Variants in ATL1 observed in about 807,000 individuals in gnomAD.
The protein encoded by ATL1 is atlastin GTPase 1.
In ATL1, 31 loss-of-function variants were observed where a neutral mutation model predicts 75.5. The ratio of observed to expected loss-of-function variants is 0.41; its 90% confidence interval spans 0.31 to 0.55. The LOEUF is 0.55. ATL1 is among the 20% of genes least tolerant of loss of function. The pLI is 0.27. For synonymous variants in ATL1, 226 were observed against 233.3 expected (o/e 0.97, Z 0.28); for missense variants, 405 against 662.6 (o/e 0.61, Z 4.27).
intron 1 of ATL1, among the ~76,000 whole-genome samples, chr14:50,544,302 T>C (rs560382726): frequency 6.6e-6 from 1 of 152,332 alleles, no homozygotes; most frequent in East Asian, 1.9e-4. Flanking sequence ...AACTACCCTC[T>C]TTTCTCTGTC....
At chr14:50,552,138 C>G (rs1019047310) in intron 1 of ATL1, among the ~76,000 whole-genome samples, 2 of 152,096 alleles carry the variant, frequency 1.3e-5, no homozygotes, top group Non-Finnish European at 2.9e-5. Context: ...AAAATCTAGA[C>G]CTGATAAATG....
intron 8 of ATL1, 31 bp from the exon 9 acceptor site, chr14:50,620,568 A>G (rs2039458064): frequency 1.9e-6 from 3 of 1,604,098 alleles, no homozygotes; most frequent in Non-Finnish European, 2.6e-6. Context: ...AAGGATTCCA[A>G]AAATAATAAT....
chr14:50,560,324 C>A (rs972677846), intron 1 of ATL1, 25 bp downstream of exon 1: 2 of 1,612,776 alleles, frequency 1.2e-6, no homozygotes, highest in Non-Finnish European at 1.7e-6. Flanking sequence ...AGAACTTCTG[C>A]AGCCTGCACG....
intron 1 of ATL1, among the ~76,000 whole-genome samples, chr14:50,542,259 C>T (rs12880338): frequency 8.1e-6 from 1 of 123,202 alleles, no homozygotes; most frequent in Non-Finnish European, 1.6e-5. Context: ...GGGAGGGGAA[C>T]ATCACACACC....
chr14:50,608,315 G>T (rs146016983), intron 6 of ATL1, among the ~76,000 whole-genome samples: 1 of 152,006 alleles, frequency 6.6e-6, no homozygotes, highest in Admixed American at 6.6e-5. Context: ...TATCTAGGGA[G>T]GGGTGGGGGA....
upstream of ATL1, among the ~76,000 whole-genome samples, chr14:50,557,434 A>G (rs2038777868): frequency 6.6e-6 from 1 of 152,126 alleles, no homozygotes; most frequent in African/African-American, 2.4e-5. Context: ...TCCTTTTTCC[A>G]GGAATGGTAT....
intron 1 of ATL1, 95 bp from the exon 2 acceptor site, chr14:50,587,736 G>A: frequency 6.6e-7 from 1 of 1,515,112 alleles, no homozygotes. Context: ...ATTCCAGTAT[G>A]CTCCTGTGTC....
intron 1 of ATL1, among the ~76,000 whole-genome samples, chr14:50,534,909 T>C (rs1432356096): frequency 6.6e-6 from 1 of 152,242 alleles, no homozygotes; most frequent in Non-Finnish European, 1.5e-5. Context: ...TAATTTTACA[T>C]CCTAGACAAT....
At chr14:50,598,770 A>C (rs553379892) in intron 6 of ATL1, among the ~76,000 whole-genome samples, 2 of 152,250 alleles carry the variant, frequency 1.3e-5, no homozygotes, top group African/African-American at 4.8e-5. Context: ...AGCAAAGCTC[A>C]GTGGAACTAA....
chr14:50,632,268 C>G lies in ATL1; in HGVS notation c.1606C>G (p.His536Asp). 1.2e-6 allele frequency: 2 copies of G among 1,613,574 alleles called. No homozygotes were observed. The highest frequency in any genetic ancestry group is 1.7e-6 in the Non-Finnish European group (2 of 1,179,622). Residue 536 changes from histidine (H) to aspartate (D), a missense_variant, in exon 14 of 14, where the codon CAT (histidine) becomes GAT (aspartate). His to Asp is a moderately conservative substitution (Grantham distance 81). Coordinates refer to ENST00000358385, the MANE Select transcript of ATL1 (RefSeq NM_015915.5). ...KLYSAAATHR[H>D]LYHQAFPTPK... is the part of the protein sequence containing the mutation. ...TTACAGTGCAGCAGCAACCCACAGACATCTGTATCATCAAGCTTTCCCTAC... is the reference window on the plus strand; with the variant it reads ...TTACAGTGCAGCAGCAACCCACAGAGATCTGTATCATCAAGCTTTCCCTAC...
intron 1 of ATL1, among the ~76,000 whole-genome samples, chr14:50,539,030 T>G (rs2038528851): frequency 6.6e-6 from 1 of 152,172 alleles, no homozygotes; most frequent in South Asian, 2.1e-4. Flanking sequence ...TTTCTGTGCT[T>G]TTTCTTCCCA....
chr14:50,598,115 C>T (rs2039238541), intron 6 of ATL1, among the ~76,000 whole-genome samples: 1 of 151,990 alleles, frequency 6.6e-6, no homozygotes, highest in South Asian at 2.1e-4. Context: ...AATATAAAGA[C>T]CTTTCTGGAG....
intron 8 of ATL1, among the ~76,000 whole-genome samples, chr14:50,617,817 C>T (rs1157253735): frequency 2.0e-5 from 3 of 152,174 alleles, no homozygotes; most frequent in African/African-American, 7.2e-5. Context: ...AACTGGTTTG[C>T]AGATTTTCTG....
intron 1 of ATL1, among the ~76,000 whole-genome samples, chr14:50,564,313 A>G (rs1385082363): frequency 3.3e-5 from 5 of 152,164 alleles, no homozygotes; most frequent in Middle Eastern, 3.2e-3. Flanking sequence ...AGTTTTCTAC[A>G]ATGTAACAGA....
chr14:50,565,854 A>T (rs1219343096), intron 1 of ATL1, among the ~76,000 whole-genome samples: 1 of 152,208 alleles, frequency 6.6e-6, no homozygotes, highest in Non-Finnish European at 1.5e-5. Context: ...TGAAACATAT[A>T]TGTATACAAA....
At chr14:50,610,070 C>T (rs942638866) in intron 6 of ATL1, among the ~76,000 whole-genome samples, 10 of 151,866 alleles carry the variant, frequency 6.6e-5, no homozygotes, top group South Asian at 2.1e-4. Context: ...GATTCACACC[C>T]GCCTCTCTAC....
intron 6 of ATL1, among the ~76,000 whole-genome samples, chr14:50,600,857 T>G (rs568921731): frequency 6.6e-6 from 1 of 152,150 alleles, no homozygotes; most frequent in East Asian, 1.9e-4. Context: ...ATTCCAGTAC[T>G]TTGGGAGGAG....
intron 10 of ATL1, among the ~76,000 whole-genome samples, chr14:50,622,405 T>C (rs1566733618): frequency 6.6e-6 from 1 of 151,840 alleles, no homozygotes; most frequent in Non-Finnish European, 1.5e-5. Flanking sequence ...TGGTGGCTCA[T>C]GCCTGTAATC....
At chr14:50,622,878 A>AT (rs977704361) in intron 10 of ATL1, among the ~76,000 whole-genome samples, 6 of 152,020 alleles carry the variant, frequency 3.9e-5, no homozygotes, top group African/African-American at 1.5e-4. Context: ...TGGGTTTATG[A>AT]TTTTTTTCTT....
Sources: gnomAD v4.1 joint callset for allele counts (sites outside exome capture counted in the v4.1 genomes callset) on GRCh38, gnomAD v4.1.1 for gene constraint, MANE v1.5 for transcripts, NCBI Gene and HGNC (gene_info 2026-07-23, HGNC 2026-07-21) for gene names.